Variants in KCNB2 observed in about 807,000 individuals in gnomAD.
KCNB2 encodes potassium voltage-gated channel subfamily B member 2.
A neutral mutation model predicts 61.5 loss-of-function variants in KCNB2; 15 were observed. The observed-to-expected ratio is 0.24, with a 90% CI of 0.16 to 0.38. The LOEUF (loss-of-function observed/expected upper bound fraction) is 0.38. Ranked by LOEUF, KCNB2 falls within the 10% of genes least tolerant of loss-of-function variation. KCNB2 has a pLI of 1.00. For synonymous variants in KCNB2, 457 were observed against 446.0 expected, an observed-to-expected ratio of 1.02 and a Z score of -0.31; for missense variants, 828 against 1,125.2, an observed-to-expected ratio of 0.74 and a Z score of 3.78.
In KCNB2 at chr8:72,938,122, A is replaced by G. The variant is rs769648108; in HGVS notation, c.*31A>G. The G allele has an allele frequency of 3.5e-5, 52 of 1,488,838 alleles. No homozygotes were observed. The highest frequency in any genetic ancestry group is 4.5e-5 in the Non-Finnish European group (50 of 1,099,924). 92.2% of individuals were successfully genotyped at this position (1,488,838 alleles called of 1,614,324 possible). A position where few individuals can be genotyped will look rare whatever the true frequency, so the allele number is the denominator to read the frequency against. ...TACAAAAGCAATAAATTGAAACAAA[A>G]CAAAACAAAACAAAACTTGTTTCTT... On this transcript the variant is annotated 3_prime_UTR_variant, in exon 3 of 3. Coordinates refer to ENST00000523207, the MANE Select transcript of KCNB2 (RefSeq NM_004770.3).
intron 2 of KCNB2, among the ~76,000 whole-genome samples, chr8:72,708,212 G>A (rs1807265026): frequency 6.6e-6 from 1 of 152,204 alleles, no homozygotes; most frequent in African/African-American, 2.4e-5. Flanking sequence ...GGGAAGGGTG[G>A]GGAGAGAACT....
chr8:72,714,248 C>A (rs1056576804), intron 2 of KCNB2, among the ~76,000 whole-genome samples: 4 of 152,154 alleles, frequency 2.6e-5, no homozygotes, highest in Non-Finnish European at 2.9e-5. Context: ...AGGATATTAT[C>A]CAGGAGAACT....
At chr8:72,693,037 G>A (rs896077411) in intron 2 of KCNB2, among the ~76,000 whole-genome samples, 9 of 152,024 alleles carry the variant, frequency 5.9e-5, no homozygotes, top group African/African-American at 1.4e-4. Flanking sequence ...ATAAGATATC[G>A]TGATTATCAT....
intron 2 of KCNB2, among the ~76,000 whole-genome samples, chr8:72,922,048 C>T (rs181296795): frequency 1.3e-5 from 2 of 152,202 alleles, no homozygotes; most frequent in African/African-American, 4.8e-5. Flanking sequence ...GTTCTGGAAG[C>T]TAGAAGTCTA....
chr8:72,566,740 G>T (rs115474040), intron 1 of KCNB2, among the ~76,000 whole-genome samples: 118 of 151,612 alleles, frequency 7.8e-4, no homozygotes, highest in African/African-American at 2.8e-3. Flanking sequence ...GAAAGGAAAA[G>T]AAGTCTAGGC....
At chr8:72,845,431 G>A (rs566654455) in intron 2 of KCNB2, among the ~76,000 whole-genome samples, 2 of 152,346 alleles carry the variant, frequency 1.3e-5, no homozygotes, top group Non-Finnish European at 2.9e-5. Context: ...ACCCATGTGA[G>A]GAGACAGTCT....
intron 2 of KCNB2, among the ~76,000 whole-genome samples, chr8:72,597,722 G>T (rs1476565451): frequency 6.6e-6 from 1 of 152,102 alleles, no homozygotes. Flanking sequence ...GTTTGTACTG[G>T]TCCCATATGG....
At chr8:72,594,120 C>T (rs1186202436) in intron 2 of KCNB2, among the ~76,000 whole-genome samples, 1 of 152,136 alleles carries the variant, frequency 6.6e-6, no homozygotes, top group Non-Finnish European at 1.5e-5. Context: ...TAGTTATATA[C>T]CTCATCTTAG....
chr8:72,593,649 A>T lies in KCNB2; in HGVS notation c.579+25336A>T, dbSNP rs149340212. Among the ~76,000 whole-genome samples the T allele has an allele frequency of 4.1e-4, 63 of 152,312 alleles. No homozygotes were observed. The East Asian group carries it at 0.011, about 27-fold the overall frequency. ...TTGTGATCCTTTAGGAGGCTGTGTC[A>T]GATATAGGACCACAGGGAGTAAGGG... On this transcript the variant is annotated intron_variant, in intron 2 of 2. Coordinates refer to ENST00000523207, the MANE Select transcript of KCNB2 (RefSeq NM_004770.3).
chr8:72,794,562 C>T lies in KCNB2; in HGVS notation c.580-141373C>T, dbSNP rs1808997706. Among the ~76,000 whole-genome samples, 3 of 88,122 alleles carry T rather than the reference C, an allele frequency of 3.4e-5. No homozygotes were observed. In the South Asian group the frequency reaches 1.7e-3, roughly 50 times the overall value. 57.8% of individuals were successfully genotyped at this position (88,122 alleles called of 152,430 possible). A position where few individuals can be genotyped will look rare whatever the true frequency, so the allele number is the denominator to read the frequency against. ...CCTGGGCAACGGAGCAAGACTCCAT[C>T]TCAAAAAAAAAAAAAAAAAAAAAAA... On this transcript the variant is annotated intron_variant, in intron 2 of 2. Coordinates refer to ENST00000523207, the MANE Select transcript of KCNB2 (RefSeq NM_004770.3).
chr8:72,761,430 G>C (rs1382906982), intron 2 of KCNB2, among the ~76,000 whole-genome samples: 2 of 152,056 alleles, frequency 1.3e-5, no homozygotes, highest in African/African-American at 4.8e-5. Flanking sequence ...AAGGAGATTT[G>C]GGGAAAAAAC....
intron 2 of KCNB2, among the ~76,000 whole-genome samples, chr8:72,717,813 G>A (rs1807471895): frequency 6.6e-6 from 1 of 152,072 alleles, no homozygotes; most frequent in African/African-American, 2.4e-5. Flanking sequence ...ATTGACAAAT[G>A]GGATCTAATT....
chr8:72,824,140 T>C (rs1206055064), intron 2 of KCNB2, among the ~76,000 whole-genome samples: 3 of 152,174 alleles, frequency 2.0e-5, no homozygotes, highest in Non-Finnish European at 4.4e-5. Flanking sequence ...ATTCAAAGTA[T>C]TAGTCAAAAC....
intron 2 of KCNB2, among the ~76,000 whole-genome samples, chr8:72,612,881 A>G (rs1805562932): frequency 2.0e-5 from 3 of 152,186 alleles, no homozygotes; most frequent in Non-Finnish European, 4.4e-5. Flanking sequence ...AGTAGATATC[A>G]AAGTTAGATT....
intron 1 of KCNB2, among the ~76,000 whole-genome samples, chr8:72,561,776 T>A (rs961028361): frequency 7.6e-5 from 2 of 26,270 alleles, no homozygotes; most frequent in East Asian, 1.1e-3. Flanking sequence ...TATATATATA[T>A]GGATATATAT....
rs1189336093 is a variant in KCNB2 at position 72,561,727 on chromosome 8, A to ATATATATG, written c.-93-5914_-93-5913insATATATGT. ...TATATATATATATATATATATATAT[A>ATATATATG]TCTATATCTATATATATATGTATAT... is the stretch of plus-strand genomic sequence containing the variant. On this transcript the variant is annotated intron_variant, in intron 1 of 2. Coordinates refer to ENST00000523207, the MANE Select transcript of KCNB2 (RefSeq NM_004770.3). Among the ~76,000 whole-genome samples, 167 of 35,246 alleles carry ATATATATG rather than the reference A, an allele frequency of 4.7e-3. 13 individuals are homozygous for ATATATATG. Among genetic ancestry groups the ATATATATG allele is most frequent in the Non-Finnish European group, 8.1e-3 (128 of 15,814 alleles). The allele number at this position is 35,246 out of a possible 152,430, so 23.1% of individuals were successfully genotyped here.
At chr8:72,769,751 G>A (rs561845587) in intron 2 of KCNB2, among the ~76,000 whole-genome samples, 1 of 152,312 alleles carries the variant, frequency 6.6e-6, no homozygotes, top group African/African-American at 2.4e-5. Flanking sequence ...AAGGACCATA[G>A]GGAAGGAGTG....
At chr8:72,911,815 G>C (rs551578636) in intron 2 of KCNB2, among the ~76,000 whole-genome samples, 2 of 152,280 alleles carry the variant, frequency 1.3e-5, no homozygotes, top group South Asian at 4.1e-4. Flanking sequence ...TAATCTCTTT[G>C]TGCCTCAGTT....
At chr8:72,622,129 A>G (rs1053156148) in intron 2 of KCNB2, among the ~76,000 whole-genome samples, 1 of 152,220 alleles carries the variant, frequency 6.6e-6, no homozygotes, top group African/African-American at 2.4e-5. Context: ...TTGATAAATA[A>G]GATAACAGTC....
Sources: allele counts gnomAD v4.1 joint callset (sites outside exome capture counted in the v4.1 genomes callset), GRCh38; gene constraint gnomAD v4.1.1; transcripts MANE v1.5; gene names NCBI Gene and HGNC (gene_info 2026-07-23, HGNC 2026-07-21).